Variants in FHIT observed in about 807,000 individuals in gnomAD.
FHIT encodes bis(5'-adenosyl)-triphosphatase.
In FHIT, 19 loss-of-function variants were observed where a neutral mutation model predicts 17.9. The ratio of observed to expected loss-of-function variants is 1.06; its 90% CI spans 0.74 to 1.56. The LOEUF is 1.56. FHIT is among the 40% of genes most tolerant of loss of function. The probability of loss-of-function intolerance (pLI) is 0.00; values close to 1 mark genes in which losing one functional copy is unlikely to be tolerated. For missense variants in FHIT, 248 were observed against 189.2 expected, an observed-to-expected ratio of 1.31 and a Z score of -1.82; for synonymous variants, 81 against 69.7, an observed-to-expected ratio of 1.16 and a Z score of -0.81.
At chr3:60,958,904 A>T (rs542322452) in intron 3 of FHIT, among the ~76,000 whole-genome samples, 19 of 152,202 alleles carry the variant, frequency 1.2e-4, no homozygotes, top group Non-Finnish European at 1.9e-4. Context: ...TTAGCAATGG[A>T]ATTATAATCA....
At chr3:60,815,947 T>A (rs1185961896) in intron 4 of FHIT, among the ~76,000 whole-genome samples, 1 of 152,056 alleles carries the variant, frequency 6.6e-6, no homozygotes, top group Non-Finnish European at 1.5e-5. Context: ...ATACATTTCA[T>A]CTCCTTGGTT....
chr3:59,856,799 A>G (rs1314563571), intron 8 of FHIT, among the ~76,000 whole-genome samples: 1 of 152,134 alleles, frequency 6.6e-6, no homozygotes, highest in African/African-American at 2.4e-5. Flanking sequence ...CTTAGCTCAG[A>G]GTCTGGAAGT....
At chr3:60,613,244 C>T (rs1161451003) in intron 4 of FHIT, among the ~76,000 whole-genome samples, 1 of 152,148 alleles carries the variant, frequency 6.6e-6, no homozygotes, top group Admixed American at 6.5e-5. Context: ...ATTTCCAAGT[C>T]TCACTTCACT....
chr3:60,209,606 G>A (rs1214584461), intron 5 of FHIT, among the ~76,000 whole-genome samples: 1 of 152,120 alleles, frequency 6.6e-6, no homozygotes, highest in African/African-American at 2.4e-5. Flanking sequence ...GGAAAGTTGT[G>A]TGACCCAGTT....
intron 4 of FHIT, among the ~76,000 whole-genome samples, chr3:60,637,252 T>A (rs1050020937): frequency 6.6e-6 from 1 of 152,224 alleles, no homozygotes; most frequent in East Asian, 1.9e-4. Flanking sequence ...GATTTTGGTA[T>A]GAAACTTCTT....
At chr3:60,020,683 G>C (rs978380260) in intron 5 of FHIT, among the ~76,000 whole-genome samples, 1 of 152,146 alleles carries the variant, frequency 6.6e-6, no homozygotes, top group Non-Finnish European at 1.5e-5. Context: ...TTCATTATTT[G>C]CTCTAACAAA....
chr3:60,277,047 A>G (rs774874830), intron 5 of FHIT, among the ~76,000 whole-genome samples: 1 of 152,162 alleles, frequency 6.6e-6, no homozygotes, highest in Non-Finnish European at 1.5e-5. Flanking sequence ...TACAGCAGCT[A>G]GAACTTTCAG....
chr3:60,365,071 G>T (rs1302344740), intron 5 of FHIT, among the ~76,000 whole-genome samples: 1 of 149,270 alleles, frequency 6.7e-6, no homozygotes, highest in Non-Finnish European at 1.5e-5. Flanking sequence ...TATTCTATTG[G>T]TTCTGTTCTC....
intron 5 of FHIT, among the ~76,000 whole-genome samples, chr3:60,339,330 G>C (rs1710399608): frequency 6.6e-6 from 1 of 151,974 alleles, no homozygotes; most frequent in African/African-American, 2.4e-5. Flanking sequence ...TATATTTCTA[G>C]TCCATATCTG....
intron 3 of FHIT, among the ~76,000 whole-genome samples, chr3:60,873,609 T>A (rs570998340): frequency 4.6e-5 from 7 of 152,310 alleles, no homozygotes; most frequent in African/African-American, 1.7e-4. Context: ...GGTCCTGGTA[T>A]ATCCAGAGTA....
chr3:60,966,107 G>A (rs568825065), intron 3 of FHIT, among the ~76,000 whole-genome samples: 11 of 152,212 alleles, frequency 7.2e-5, no homozygotes, highest in South Asian at 4.1e-4. Context: ...CTTCTAGGCC[G>A]CTTTGTTTAC....
At chr3:61,127,644 C>T (rs2036647033) in intron 2 of FHIT, among the ~76,000 whole-genome samples, 5 of 152,092 alleles carry the variant, frequency 3.3e-5, no homozygotes, top group Admixed American at 1.3e-4. Flanking sequence ...GTGGGTAGAT[C>T]ACCTGAGGTC....
intron 4 of FHIT, among the ~76,000 whole-genome samples, chr3:60,611,748 G>A (rs1455069234): frequency 6.6e-6 from 1 of 152,134 alleles, no homozygotes; most frequent in African/African-American, 2.4e-5. Flanking sequence ...AACAGGATAA[G>A]ATGGCTAACA....
intron 5 of FHIT, among the ~76,000 whole-genome samples, chr3:60,021,653 C>A (rs1273452569): frequency 6.6e-6 from 1 of 152,112 alleles, no homozygotes; most frequent in African/African-American, 2.4e-5. Flanking sequence ...ATAATATCAC[C>A]TCCCAATGTC....
intron 3 of FHIT, among the ~76,000 whole-genome samples, chr3:60,892,936 C>A (rs1705594034): frequency 6.6e-6 from 1 of 152,098 alleles, no homozygotes; most frequent in Non-Finnish European, 1.5e-5. Context: ...GTAATGTCTA[C>A]TTTTATATTT....
intron 9 of FHIT, chr3:59,751,372 T>G (rs2367086): frequency 0.59 from 108,472 of 184,956 alleles, 33,088 homozygotes; most frequent in East Asian, 0.75. Flanking sequence ...TCCCAAGTAG[T>G]TGGGATTATA....
At chr3:61,041,215 C>T (rs1278344110) in intron 3 of FHIT, among the ~76,000 whole-genome samples, 1 of 151,984 alleles carries the variant, frequency 6.6e-6, no homozygotes, top group African/African-American at 2.4e-5. Context: ...CCTGCCTCTA[C>T]TAAAAATACA....
chr3:60,760,414 G>A (rs1699606649), intron 4 of FHIT, among the ~76,000 whole-genome samples: 1 of 152,218 alleles, frequency 6.6e-6, no homozygotes, highest in Non-Finnish European at 1.5e-5. Flanking sequence ...GCAGAGAGAA[G>A]CTATTGGAGA....
intron 8 of FHIT, among the ~76,000 whole-genome samples, chr3:59,875,777 T>C (rs559460118): frequency 2.0e-5 from 3 of 151,966 alleles, no homozygotes; most frequent in African/African-American, 7.2e-5. Context: ...AAGTGTTCTA[T>C]TATGGAAAGA....
Sources: gnomAD v4.1 joint callset for allele counts (sites outside exome capture counted in the v4.1 genomes callset) on GRCh38, gnomAD v4.1.1 for gene constraint, MANE v1.5 for transcripts, NCBI Gene and HGNC (gene_info 2026-07-23, HGNC 2026-07-21) for gene names.